VAV3: variants seen among roughly 807,000 people sequenced by gnomAD.
VAV3 encodes the protein guanine nucleotide exchange factor VAV3.
VAV3 carries 94 observed loss-of-function variants against 131.2 expected under a neutral mutation model. The ratio of observed to expected loss-of-function variants is 0.72; its 90% CI spans 0.61 to 0.85. The LOEUF is 0.85. Ranked by LOEUF, VAV3 falls within the 40% of genes least tolerant of loss-of-function variation. The pLI is 0.00. For missense variants in VAV3, 939 were observed against 1,002.7 expected, an observed-to-expected ratio of 0.94 and a Z score of 0.86; for synonymous variants, 349 against 342.0, an observed-to-expected ratio of 1.02 and a Z score of -0.22.
At chr1:107,584,527 C>A (rs1650338611) in intron 25 of VAV3, among the ~76,000 whole-genome samples, 1 of 152,010 alleles carries the variant, frequency 6.6e-6, no homozygotes, top group Non-Finnish European at 1.5e-5. Context: ...GGGCTAATAT[C>A]CAGAATCTAC....
intron 20 of VAV3, among the ~76,000 whole-genome samples, chr1:107,617,994 G>A (rs1311266916): frequency 6.6e-6 from 1 of 152,086 alleles, no homozygotes; most frequent in Non-Finnish European, 1.5e-5. Flanking sequence ...CGTGGCAGGT[G>A]GTTTCGGGAG....
At chr1:107,697,206 T>C (rs1659799738) in intron 17 of VAV3, among the ~76,000 whole-genome samples, 1 of 152,140 alleles carries the variant, frequency 6.6e-6, no homozygotes, top group African/African-American at 2.4e-5. Context: ...GAGATTCTTC[T>C]TCCCCCTAAA....
At chr1:107,929,919 G>C (rs1198700660) in intron 1 of VAV3, among the ~76,000 whole-genome samples, 3 of 152,278 alleles carry the variant, frequency 2.0e-5, no homozygotes, top group African/African-American at 7.2e-5. Flanking sequence ...ATTATGTTAA[G>C]TGAAATGAGC....
intron 19 of VAV3, among the ~76,000 whole-genome samples, chr1:107,667,380 T>C (rs1241841064): frequency 6.6e-6 from 1 of 152,166 alleles, no homozygotes; most frequent in Non-Finnish European, 1.5e-5. Flanking sequence ...AAAACTAATT[T>C]TTTAACCACT....
intron 20 of VAV3, among the ~76,000 whole-genome samples, chr1:107,635,598 T>A (rs1350297539): frequency 1.3e-5 from 2 of 152,148 alleles, no homozygotes; most frequent in Non-Finnish European, 2.9e-5. Context: ...TGTGCACACG[T>A]ACCCTAAAAC....
intron 2 of VAV3, among the ~76,000 whole-genome samples, chr1:107,819,192 A>G (rs1467437589): frequency 6.6e-6 from 1 of 152,192 alleles, no homozygotes; most frequent in East Asian, 1.9e-4. Context: ...CCTTCCAATT[A>G]TATCAATATC....
intron 25 of VAV3, among the ~76,000 whole-genome samples, chr1:107,590,504 T>C (rs536152865): frequency 1.8e-4 from 27 of 152,300 alleles, no homozygotes; most frequent in African/African-American, 6.3e-4. Context: ...AACTATGAAA[T>C]GGAGTATTAA....
chr1:107,931,685 A>G (rs914449978), intron 1 of VAV3, among the ~76,000 whole-genome samples: 1 of 152,240 alleles, frequency 6.6e-6, no homozygotes, highest in Non-Finnish European at 1.5e-5. Flanking sequence ...TACTTAACAA[A>G]TAAAGAAAAT....
chr1:107,956,390 G>A (rs1057377314), intron 1 of VAV3, among the ~76,000 whole-genome samples: 3 of 152,148 alleles, frequency 2.0e-5, no homozygotes, highest in Admixed American at 6.5e-5. Flanking sequence ...AAACGTGATT[G>A]AGAATCCTCA....
At chr1:107,622,747 A>T (rs1334087734) in intron 20 of VAV3, among the ~76,000 whole-genome samples, 1 of 152,212 alleles carries the variant, frequency 6.6e-6, no homozygotes, top group Non-Finnish European at 1.5e-5. Context: ...TAATGGTCAG[A>T]GCGACTGTCA....
chr1:107,738,904 C>T (rs1662843416), intron 15 of VAV3, among the ~76,000 whole-genome samples: 1 of 152,126 alleles, frequency 6.6e-6, no homozygotes, highest in African/African-American at 2.4e-5. Context: ...GAGACAGTAG[C>T]ACAGTAACCA....
intron 1 of VAV3, among the ~76,000 whole-genome samples, chr1:107,910,165 A>G (rs1672299937): frequency 6.6e-6 from 1 of 152,260 alleles, no homozygotes; most frequent in South Asian, 2.1e-4. Context: ...TTACACAGCT[A>G]CTAAGAGATA....
intron 1 of VAV3, among the ~76,000 whole-genome samples, chr1:107,937,914 G>C (rs1406643904): frequency 6.6e-6 from 1 of 152,074 alleles, no homozygotes; most frequent in East Asian, 1.9e-4. Flanking sequence ...AAATAAATAA[G>C]GCTCTTGTGA....
chr1:107,611,291 TTTGA>T (rs1275866942), intron 21 of VAV3, among the ~76,000 whole-genome samples: 1 of 152,192 alleles, frequency 6.6e-6, no homozygotes, highest in African/African-American at 2.4e-5. Context: ...AGAACATTTC[TTTGA>T]TTATTAATAT....
chr1:107,720,816 G>A (rs1374338226), intron 15 of VAV3, among the ~76,000 whole-genome samples: 2 of 152,304 alleles, frequency 1.3e-5, no homozygotes, highest in Admixed American at 6.5e-5. Context: ...TGAAGGAGGT[G>A]AGAACTTGAG....
chr1:107,869,078 G>GA (rs1670134270), intron 2 of VAV3, among the ~76,000 whole-genome samples: 1 of 152,066 alleles, frequency 6.6e-6, no homozygotes, highest in African/African-American at 2.4e-5. Context: ...CAGGAAGAGA[G>GA]AAAAATAAAA....
chr1:107,897,713 C>T (rs1314476459), intron 1 of VAV3, among the ~76,000 whole-genome samples: 3 of 152,124 alleles, frequency 2.0e-5, no homozygotes, highest in African/African-American at 7.2e-5. Context: ...TTATCTGAGA[C>T]AGCATGCTGG....
chr1:107,930,386 T>C (rs935482705), intron 1 of VAV3, among the ~76,000 whole-genome samples: 2 of 152,140 alleles, frequency 1.3e-5, no homozygotes, highest in East Asian at 3.9e-4. Flanking sequence ...TGAATATATA[T>C]AAAGACCCAC....
At position 107,757,293 on chromosome 1, in the gene VAV3, C is replaced by T; in HGVS notation, c.1054G>A (p.Ala352Thr). 6.2e-7 allele frequency: 1 copy of T among 1,613,316 alleles called. No homozygotes were observed. Among genetic ancestry groups the T allele is most frequent in the Non-Finnish European group, 8.5e-7 (1 of 1,179,736 alleles). Residue 352 changes from alanine (A) to threonine (T), a missense_variant, in exon 11 of 27, where the codon GCA becomes ACA. Transcript: ENST00000370056. Reference protein sequence around the residue: ...VKHTTDPTEKANLKLALDAMK... With the variant: ...VKHTTDPTEKTNLKLALDAMK... ...GCATCAAGAGCCAGTTTCAGATTTG[C>T]CTTCTCAGTCGGATCAGTGGTATGT...
Sources: gnomAD v4.1 joint callset for allele counts (sites outside exome capture counted in the v4.1 genomes callset) on GRCh38, gnomAD v4.1.1 for gene constraint, MANE v1.5 for transcripts, NCBI Gene and HGNC (gene_info 2026-07-23, HGNC 2026-07-21) for gene names.